The following NRXN3 variants were observed in gnomAD, a reference collection of about 807,000 sequenced individuals.
The protein encoded by NRXN3 is neurexin III.
Under a neutral mutation model 137.6 loss-of-function variants are expected in NRXN3, and 32 were observed. That is an observed-to-expected ratio of 0.23 (90% confidence interval 0.18 to 0.31). The LOEUF (loss-of-function observed/expected upper bound fraction) is 0.31. Among genes scored for constraint, NRXN3 ranks in the 10% least tolerant of loss-of-function variants. The pLI is 1.00. For synonymous variants in NRXN3, 798 were observed against 784.5 expected (o/e 1.02, Z -0.29); for missense variants, 1,574 against 2,062.5 (o/e 0.76, Z 4.59).
intron 2 of NRXN3, among the ~76,000 whole-genome samples, chr14:78,246,675 C>A (rs997589114): frequency 3.9e-5 from 6 of 152,124 alleles, no homozygotes; most frequent in Non-Finnish European, 7.4e-5. Flanking sequence ...AGAAAATAAC[C>A]GTTGCCTCCA....
intron 10 of NRXN3, among the ~76,000 whole-genome samples, chr14:78,870,427 T>C (rs1567567818): frequency 6.6e-6 from 1 of 152,182 alleles, no homozygotes; most frequent in Non-Finnish European, 1.5e-5. Context: ...ATTTATGGGG[T>C]ATATGTGATA....
chr14:79,451,923 A>C (rs2096179269), intron 15 of NRXN3, among the ~76,000 whole-genome samples: 1 of 152,176 alleles, frequency 6.6e-6, no homozygotes, highest in South Asian at 2.1e-4. Flanking sequence ...CGGGAAGCAG[A>C]CCCAGCGTTC....
chr14:78,203,805 TGTG>T (rs1309311322), intron 1 of NRXN3, among the ~76,000 whole-genome samples: 2 of 89,072 alleles, frequency 2.2e-5, no homozygotes, highest in Admixed American at 2.1e-4. Context: ...TCCTTCCAGG[TGTG>T]TGTGTGTGTG....
intron 4 of NRXN3, among the ~76,000 whole-genome samples, chr14:78,407,590 A>T (rs939825213): frequency 2.6e-5 from 4 of 152,144 alleles, no homozygotes; most frequent in African/African-American, 9.7e-5. Flanking sequence ...AGTCCTAGGC[A>T]TTGACTCTTT....
chr14:78,904,356 TTGTCCAGCCCAACA>T (rs2099208027), intron 10 of NRXN3, among the ~76,000 whole-genome samples: 1 of 152,062 alleles, frequency 6.6e-6, no homozygotes. Flanking sequence ...CAACTGAGAA[TTGTCCAGCCCAACA>T]TGTCAATAAT....
chr14:79,031,878 G>A (rs1363581788), intron 15 of NRXN3, among the ~76,000 whole-genome samples: 2 of 152,070 alleles, frequency 1.3e-5, no homozygotes, highest in African/African-American at 2.4e-5. Context: ...TTGTTTAAAC[G>A]TGGTGCAGGA....
chr14:78,737,766 T>C (rs2098547458), intron 8 of NRXN3, among the ~76,000 whole-genome samples: 1 of 152,120 alleles, frequency 6.6e-6, no homozygotes, highest in African/African-American at 2.4e-5. Context: ...GGGAGCATTA[T>C]CAAGCAGTTA....
chr14:79,307,584 T>A (rs1253590872), intron 15 of NRXN3, among the ~76,000 whole-genome samples: 1 of 152,164 alleles, frequency 6.6e-6, no homozygotes, highest in Non-Finnish European at 1.5e-5. Context: ...TGGCCCAGGC[T>A]GCAGTCAGTC....
chr14:78,226,574 A>G (rs2064701330), intron 1 of NRXN3, among the ~76,000 whole-genome samples: 1 of 152,212 alleles, frequency 6.6e-6, no homozygotes, highest in African/African-American at 2.4e-5. Flanking sequence ...GAAAATGGGA[A>G]AACTAATGCA....
At chr14:79,066,000 A>C (rs906221685) in intron 15 of NRXN3, among the ~76,000 whole-genome samples, 1 of 152,100 alleles carries the variant, frequency 6.6e-6, no homozygotes, top group Non-Finnish European at 1.5e-5. Context: ...TAGCTTAATT[A>C]GATCCCATTT....
intron 15 of NRXN3, among the ~76,000 whole-genome samples, chr14:79,345,444 CG>C (rs1259027285): frequency 6.6e-6 from 1 of 152,038 alleles, no homozygotes; most frequent in Non-Finnish European, 1.5e-5. Flanking sequence ...CTCCTGTCCT[CG>C]GGGTGTTTAT....
intron 20 of NRXN3, among the ~76,000 whole-genome samples, chr14:79,825,153 G>A (rs1231663241): frequency 6.7e-6 from 1 of 149,120 alleles, no homozygotes; most frequent in Non-Finnish European, 1.5e-5. Flanking sequence ...TCTGCCAAAT[G>A]CCATTACGTA....
In NRXN3 at chr14:78,200,443, T is replaced by G. The variant is rs139914272; in HGVS notation, c.-704+29769T>G. Among the ~76,000 whole-genome samples, 40 of 152,284 alleles carry G rather than the reference T, an allele frequency of 2.6e-4. 1 individual carries two copies. The East Asian group carries it at 6.9e-3, about 26-fold the overall frequency. On this transcript the variant is annotated intron_variant, in intron 1 of 20. Coordinates refer to ENST00000335750, the MANE Select transcript of NRXN3 (RefSeq NM_001330195.2). ...GGTCACCTGGGGTCCCAGAGTCTTC[T>G]GGGAACTTGTGTGAAATGCACATTC... is the stretch of plus-strand genomic sequence containing the variant.
intron 15 of NRXN3, among the ~76,000 whole-genome samples, chr14:78,993,575 A>G (rs1470442761): frequency 6.6e-6 from 1 of 152,230 alleles, no homozygotes; most frequent in Non-Finnish European, 1.5e-5. Context: ...TTTGTTGCTT[A>G]GAATGCACTT....
At position 78,901,277 on chromosome 14, in the gene NRXN3, C is replaced by T. The variant is rs545296829; in HGVS notation, c.2276-55965C>T. ...GGATCCAACCTCATGATTTCCTGGA[C>T]CATTTAAATTGTCTTTTATTCTTTC... On this transcript the variant is annotated intron_variant, in intron 10 of 20. Coordinates refer to ENST00000335750, the MANE Select transcript of NRXN3 (RefSeq NM_001330195.2). 5.1e-4 allele frequency among the ~76,000 whole-genome samples: 78 copies of T among 151,942 alleles called. 1 individual carries two copies. In the Middle Eastern group the frequency reaches 0.024, roughly 46 times the overall value.
intron 4 of NRXN3, among the ~76,000 whole-genome samples, chr14:78,565,757 T>C (rs2096830501): frequency 6.6e-6 from 1 of 152,226 alleles, no homozygotes; most frequent in Non-Finnish European, 1.5e-5. Context: ...AGCCCTGCAC[T>C]ATGTGTAGAT....
intron 4 of NRXN3, among the ~76,000 whole-genome samples, chr14:78,451,692 G>A (rs1037649215): frequency 1.3e-5 from 2 of 152,194 alleles, no homozygotes; most frequent in Non-Finnish European, 2.9e-5. Flanking sequence ...CTCCTGGTGG[G>A]CATTTGTATT....
intron 16 of NRXN3, among the ~76,000 whole-genome samples, chr14:79,590,924 T>TC (rs1412375512): frequency 6.6e-6 from 1 of 152,186 alleles, no homozygotes; most frequent in Non-Finnish European, 1.5e-5. Flanking sequence ...AGCCCTACCA[T>TC]CCCCTCCATC....
At chr14:78,252,299 GGC>G in intron 2 of NRXN3, among the ~76,000 whole-genome samples, 1 of 151,874 alleles carries the variant, frequency 6.6e-6, no homozygotes, top group South Asian at 2.1e-4. Context: ...TGAACTCTTT[GGC>G]TCTTTGGGGG....
Sources: allele counts gnomAD v4.1 joint callset (sites outside exome capture counted in the v4.1 genomes callset), GRCh38; gene constraint gnomAD v4.1.1; transcripts MANE v1.5; gene names NCBI Gene and HGNC (gene_info 2026-07-23, HGNC 2026-07-21).